MCPH1: variants seen among roughly 807,000 people sequenced by gnomAD.
MCPH1 encodes microcephalin.
Under a neutral mutation model 84.5 loss-of-function variants are expected in MCPH1, and 104 were observed. That is an observed-to-expected ratio of 1.23 (90% CI 1.05 to 1.45). MCPH1 has a LOEUF of 1.45. Ranked by LOEUF, MCPH1 falls within the 40% of genes most tolerant of loss-of-function variation. The probability of loss-of-function intolerance (pLI) is 0.00; values close to 1 mark genes in which losing one functional copy is unlikely to be tolerated. For missense variants in MCPH1, 1,498 were observed against 1,005.7 expected (o/e 1.49, Z -6.62); for synonymous variants, 514 against 366.8 (o/e 1.40, Z -4.58).
intron 12 of MCPH1, among the ~76,000 whole-genome samples, chr8:6,542,700 C>A (rs1013373681): frequency 3.3e-5 from 5 of 151,972 alleles, no homozygotes; most frequent in African/African-American, 7.2e-5. Flanking sequence ...CTCCTCTCTG[C>A]CCTGTTTTTG....
chr8:6,428,741 GCACGCA>G (rs1261711280), intron 3 of MCPH1, among the ~76,000 whole-genome samples: 1 of 142,406 alleles, frequency 7.0e-6, no homozygotes, highest in Non-Finnish European at 1.5e-5. Context: ...GGACACGTGC[GCACGCA>G]CACACACACA....
intron 11 of MCPH1, among the ~76,000 whole-genome samples, chr8:6,487,459 G>C (rs1224265372): frequency 1.3e-5 from 2 of 152,212 alleles, no homozygotes; most frequent in East Asian, 3.8e-4. Flanking sequence ...GGGAGAACCA[G>C]AACTGGAATC....
intron 12 of MCPH1, among the ~76,000 whole-genome samples, chr8:6,539,783 C>T (rs566513152): frequency 1.3e-3 from 202 of 152,224 alleles, no homozygotes; most frequent in African/African-American, 4.5e-3. Flanking sequence ...GATGGGGCTT[C>T]GCCATGTTGG....
At chr8:6,634,094 C>T (rs77691474) in intron 13 of MCPH1, among the ~76,000 whole-genome samples, 1,786 of 152,192 alleles carry the variant, frequency 0.012, 17 homozygotes, top group Non-Finnish European at 0.019. Flanking sequence ...AAAAACTCTA[C>T]GTAAAGCTAA....
At chr8:6,410,002 G>A (rs6987834) in intron 2 of MCPH1, among the ~76,000 whole-genome samples, 30,079 of 151,276 alleles carry the variant, frequency 0.2, 3,481 homozygotes, top group African/African-American at 0.32. Flanking sequence ...ACGGAGTCTC[G>A]CTCTGTCGCT....
intron 12 of MCPH1, among the ~76,000 whole-genome samples, chr8:6,604,805 C>T (rs571404841): frequency 5.3e-5 from 8 of 152,310 alleles, no homozygotes; most frequent in Admixed American, 5.2e-4. Flanking sequence ...ACATCCAGCC[C>T]AGCCTACTTT....
Position 6,622,698 on chromosome 8 carries a change from C to CA in MCPH1, c.2452+1008dup, listed in dbSNP as rs1831590177. On this transcript the variant is annotated intron_variant, in intron 13 of 13. Coordinates refer to ENST00000344683, the MANE Select transcript of MCPH1 (RefSeq NM_024596.5). Reference sequence around the variant, plus strand: ...GAGGCCTCTCTCCTGGGCTTGCAGACAGCTGCCTTCTTCCTGTGACCTCAC... The same window carrying CA: ...GAGGCCTCTCTCCTGGGCTTGCAGACAAGCTGCCTTCTTCCTGTGACCTCAC... 5.3e-5 allele frequency among the ~76,000 whole-genome samples: 8 copies of CA among 152,334 alleles called. No homozygotes were observed. The South Asian group carries it at 1.5e-3, about 28-fold the overall frequency.
At chr8:6,412,700 T>G (rs976821300) in intron 2 of MCPH1, among the ~76,000 whole-genome samples, 4 of 152,226 alleles carry the variant, frequency 2.6e-5, no homozygotes, top group Admixed American at 2.6e-4. Flanking sequence ...AAAAGCCTTG[T>G]GGGAAGATGG....
chr8:6,537,128 G>C (rs1035870879), intron 12 of MCPH1, among the ~76,000 whole-genome samples: 4 of 152,098 alleles, frequency 2.6e-5, no homozygotes, highest in Admixed American at 1.3e-4. Flanking sequence ...CCCGTGGGAG[G>C]GGACCCGGCT....
intron 12 of MCPH1, chr8:6,532,441 A>G (rs1819698026): frequency 6.2e-7 from 1 of 1,614,060 alleles, no homozygotes; most frequent in East Asian, 2.2e-5. Context: ...ATTCTGCTGT[A>G]TCTCTACCAT....
intron 12 of MCPH1, among the ~76,000 whole-genome samples, chr8:6,534,431 C>T (rs189836799): frequency 1.6e-4 from 25 of 152,130 alleles, no homozygotes; most frequent in Non-Finnish European, 2.8e-4. Flanking sequence ...GAATCAGTCC[C>T]CCACAGACAT....
chr8:6,561,336 C>T (rs1312015051), intron 12 of MCPH1, among the ~76,000 whole-genome samples: 1 of 152,176 alleles, frequency 6.6e-6, no homozygotes, highest in African/African-American at 2.4e-5. Flanking sequence ...TAAATGACTC[C>T]TCTTGACACA....
intron 13 of MCPH1, among the ~76,000 whole-genome samples, chr8:6,639,665 T>TA (rs202053630): frequency 0.039 from 5,317 of 136,954 alleles, 122 homozygotes; most frequent in East Asian, 0.13. Context: ...CCTGTCTCTT[T>TA]AAAAAAAAAA....
At chr8:6,566,769 A>G (rs73661406) in intron 12 of MCPH1, among the ~76,000 whole-genome samples, 3,476 of 148,816 alleles carry the variant, frequency 0.023, 137 homozygotes, top group African/African-American at 0.078. Flanking sequence ...TGTGATTGGC[A>G]TGACCATCGA....
chr8:6,421,781 G>C (rs866460596), intron 3 of MCPH1, among the ~76,000 whole-genome samples: 4 of 152,140 alleles, frequency 2.6e-5, no homozygotes, highest in African/African-American at 2.4e-5. Flanking sequence ...CCCAGGTCCA[G>C]TGTGCTGCAT....
chr8:6,623,287 C>A (rs192979345), intron 13 of MCPH1, among the ~76,000 whole-genome samples: 1 of 152,222 alleles, frequency 6.6e-6, no homozygotes, highest in Non-Finnish European at 1.5e-5. Flanking sequence ...ATGAATCACT[C>A]TAGTTTCAGC....
At chr8:6,553,082 T>C (rs1823949961) in intron 12 of MCPH1, among the ~76,000 whole-genome samples, 1 of 152,120 alleles carries the variant, frequency 6.6e-6, no homozygotes, top group African/African-American at 2.4e-5. Flanking sequence ...CAGCACCAGA[T>C]GTCAACTGCG....
intron 9 of MCPH1, among the ~76,000 whole-genome samples, chr8:6,458,953 A>G (rs1043585292): frequency 5.9e-5 from 9 of 152,222 alleles, no homozygotes; most frequent in African/African-American, 2.2e-4. Flanking sequence ...AGCCAGCAAC[A>G]TTAAATTTTA....
At chr8:6,589,096 A>T (rs1019866147) in intron 12 of MCPH1, among the ~76,000 whole-genome samples, 20 of 152,248 alleles carry the variant, frequency 1.3e-4, no homozygotes, top group African/African-American at 4.8e-4. Context: ...TGATGAATTG[A>T]CAACAAGAGT....
Sources: allele counts gnomAD v4.1 joint callset (sites outside exome capture counted in the v4.1 genomes callset), GRCh38; gene constraint gnomAD v4.1.1; transcripts MANE v1.5; gene names NCBI Gene and HGNC (gene_info 2026-07-23, HGNC 2026-07-21).